TMPRSS11A: variants seen among roughly 807,000 people sequenced by gnomAD.
TMPRSS11A encodes transmembrane protease serine 11A.
A neutral mutation model predicts 58.9 loss-of-function variants in TMPRSS11A; 53 were observed. The ratio of observed to expected loss-of-function variants is 0.90; its 90% CI spans 0.72 to 1.13. The LOEUF is 1.13. Ranked by LOEUF, TMPRSS11A falls within the 50% of genes most tolerant of loss-of-function variation. The probability of loss-of-function intolerance (pLI) is 0.00; values close to 1 mark genes in which losing one functional copy is unlikely to be tolerated. For missense variants in TMPRSS11A, 493 were observed against 499.3 expected, an observed-to-expected ratio of 0.99 and a Z score of 0.12; for synonymous variants, 167 against 169.8, an observed-to-expected ratio of 0.98 and a Z score of 0.13.
intron 2 of TMPRSS11A, 49 bp from the exon 3 acceptor site, chr4:67,944,686 TC>T (rs766325658): frequency 6.4e-7 from 1 of 1,550,486 alleles, no homozygotes; most frequent in Non-Finnish European, 8.8e-7. Context: ...GACAAAGATT[TC>T]AGAACTCAAT....
chr4:67,921,753 C>T (rs555531645), intron 7 of TMPRSS11A, among the ~76,000 whole-genome samples: 1 of 152,216 alleles, frequency 6.6e-6, no homozygotes, highest in South Asian at 2.1e-4. Flanking sequence ...TATCTATTAC[C>T]TAATACACTA....
intron 1 of TMPRSS11A, among the ~76,000 whole-genome samples, chr4:67,956,957 C>G (rs894661727): frequency 6.6e-6 from 1 of 152,162 alleles, no homozygotes; most frequent in African/African-American, 2.4e-5. Context: ...ATGCTATTCT[C>G]ATGACAATGG....
intron 8 of TMPRSS11A, among the ~76,000 whole-genome samples, chr4:67,917,227 A>G (rs1480442267): frequency 6.6e-5 from 10 of 151,576 alleles, no homozygotes; most frequent in Admixed American, 5.9e-4. Context: ...TTGATTTGAT[A>G]TCTTTCCTTA....
intron 5 of TMPRSS11A, among the ~76,000 whole-genome samples, chr4:67,926,739 C>A (rs946054591): frequency 1.3e-5 from 2 of 152,194 alleles, no homozygotes; most frequent in Non-Finnish European, 2.9e-5. Context: ...CTGGGAGCTA[C>A]CACAATGGGG....
chr4:67,914,469 G>T, intron 9 of TMPRSS11A, 119 bp downstream of exon 9: 3 of 891,438 alleles, frequency 3.4e-6, no homozygotes, highest in Non-Finnish European at 3.4e-6. Flanking sequence ...ATTTGCATTT[G>T]TAACTTTTTT....
At chr4:67,954,463 C>A (rs2109769993) in intron 1 of TMPRSS11A, among the ~76,000 whole-genome samples, 1 of 152,340 alleles carries the variant, frequency 6.6e-6, no homozygotes, top group Non-Finnish European at 1.5e-5. Context: ...AATTTCAGTT[C>A]TTATCCCTTC....
rs371252656 is a variant in TMPRSS11A at position 67,920,549 on chromosome 4, A to ATATT, written c.693-1318_693-1317insAATA. Among the ~76,000 whole-genome samples, 1,147 of 130,858 alleles carry ATATT rather than the reference A, an allele frequency of 8.8e-3. 15 individuals are homozygous for ATATT. Among genetic ancestry groups the ATATT allele is most frequent in the East Asian group, 0.029 (126 of 4,304 alleles). The allele number at this position is 130,858 out of a possible 152,430, so 85.8% of individuals were successfully genotyped here. A position where few individuals can be genotyped will look rare whatever the true frequency, so the allele number is the denominator to read the frequency against. On this transcript the variant is annotated intron_variant, in intron 7 of 9. Transcript: ENST00000508048. ...TAATTATATATATATATATATATAT[A>ATATT]TTTTTTTTTATATATACACACACAC...
At chr4:67,952,586 G>A (rs1721189452) in intron 1 of TMPRSS11A, among the ~76,000 whole-genome samples, 1 of 152,092 alleles carries the variant, frequency 6.6e-6, no homozygotes, top group East Asian at 1.9e-4. Flanking sequence ...TCCCCACAGA[G>A]GTTCCCATAA....
chr4:67,951,228 A>G (rs746160786), intron 1 of TMPRSS11A, among the ~76,000 whole-genome samples: 1 of 152,240 alleles, frequency 6.6e-6, no homozygotes, highest in Non-Finnish European at 1.5e-5. Flanking sequence ...GGTTTTTTCT[A>G]AAGATGCTGT....
chr4:67,941,983 T>C (rs1004564043), intron 3 of TMPRSS11A, among the ~76,000 whole-genome samples: 10 of 152,040 alleles, frequency 6.6e-5, no homozygotes, highest in African/African-American at 2.2e-4. Flanking sequence ...ACACTATCAA[T>C]ATCCAGAAAA....
chr4:67,925,760 CA>C (rs1298535776), intron 5 of TMPRSS11A, among the ~76,000 whole-genome samples: 3 of 152,132 alleles, frequency 2.0e-5, no homozygotes, highest in African/African-American at 7.2e-5. Context: ...TGGAAAATAG[CA>C]TAAAGTTAGA....
At chr4:67,916,688 A>G (rs983723489) in intron 8 of TMPRSS11A, among the ~76,000 whole-genome samples, 13 of 152,030 alleles carry the variant, frequency 8.6e-5, no homozygotes, top group African/African-American at 1.2e-4. Context: ...TTAGCCGGGC[A>G]TGGTGGTGGG....
At chr4:67,949,555 C>T (rs78704997) in intron 1 of TMPRSS11A, among the ~76,000 whole-genome samples, 1,818 of 152,224 alleles carry the variant, frequency 0.012, 32 homozygotes, top group African/African-American at 0.041. Flanking sequence ...ACAAGGAATA[C>T]GTAAAAACAA....
intron 2 of TMPRSS11A, among the ~76,000 whole-genome samples, chr4:67,946,071 A>T (rs1720995823): frequency 6.6e-6 from 1 of 152,144 alleles, no homozygotes; most frequent in Non-Finnish European, 1.5e-5. Context: ...AATTTTAATA[A>T]CTAATTTATC....
At chr4:67,956,718 C>G (rs900864490) in intron 1 of TMPRSS11A, among the ~76,000 whole-genome samples, 3 of 152,200 alleles carry the variant, frequency 2.0e-5, no homozygotes, top group African/African-American at 7.2e-5. Flanking sequence ...GAATCATATG[C>G]TTATCTGATC....
intron 1 of TMPRSS11A, among the ~76,000 whole-genome samples, chr4:67,960,061 A>G (rs1428211801): frequency 2.6e-5 from 4 of 152,214 alleles, no homozygotes; most frequent in Admixed American, 6.5e-5. Flanking sequence ...TAATGCAGGA[A>G]CAGAAAACCA....
chr4:67,955,409 C>T (rs1446687716), intron 1 of TMPRSS11A, among the ~76,000 whole-genome samples: 1 of 152,118 alleles, frequency 6.6e-6, no homozygotes, highest in African/African-American at 2.4e-5. Flanking sequence ...GCACTAGGTA[C>T]AGTATCACCT....
In TMPRSS11A at chr4:67,930,829, T is replaced by TTTTTTTTA. The variant is rs1265700805; in HGVS notation, c.321-790_321-789insTAAAAAAA. On this transcript the variant is annotated intron_variant, in intron 4 of 9. Coordinates refer to ENST00000508048, the MANE Select transcript of TMPRSS11A (RefSeq NM_001114387.2). ...TCTCCTTTTTTTTTTTTTTTTTTTTTACAAAAAAAAAAAAAACTGTGAAAA... is the reference window on the plus strand; with the variant it reads ...TCTCCTTTTTTTTTTTTTTTTTTTTTTTTTTTTAACAAAAAAAAAAAAAACTGTGAAAA... Among the ~76,000 whole-genome samples the TTTTTTTTA allele has an allele frequency of 6.7e-5, 6 of 90,126 alleles. 1 individual carries two copies. The highest frequency in any genetic ancestry group is 1.1e-4 in the Non-Finnish European group (5 of 47,364). The allele number at this position is 90,126 out of a possible 152,430, so 59.1% of individuals were successfully genotyped here.
intron 3 of TMPRSS11A, among the ~76,000 whole-genome samples, chr4:67,932,949 G>A (rs1337144013): frequency 2.0e-5 from 3 of 152,000 alleles, no homozygotes; most frequent in East Asian, 3.9e-4. Context: ...CCTGGCATTC[G>A]GCTTGCAGTA....
Sources: allele counts gnomAD v4.1 joint callset (sites outside exome capture counted in the v4.1 genomes callset), GRCh38; gene constraint gnomAD v4.1.1; transcripts MANE v1.5; gene names NCBI Gene and HGNC (gene_info 2026-07-23, HGNC 2026-07-21).